Variants in NRXN3 observed in about 807,000 individuals in gnomAD.
NRXN3 encodes the protein neurexin III.
A neutral mutation model predicts 137.6 loss-of-function variants in NRXN3; 32 were observed. The observed-to-expected ratio is 0.23, with a 90% CI of 0.18 to 0.31. The LOEUF (loss-of-function observed/expected upper bound fraction) is 0.31, where lower values mean the gene tolerates loss of function less well. Ranked by LOEUF, NRXN3 falls within the 10% of genes least tolerant of loss-of-function variation. The pLI, the probability that NRXN3 is intolerant of heterozygous loss-of-function variation, is 1.00. For missense variants in NRXN3, 1,574 were observed against 2,062.5 expected, an observed-to-expected ratio of 0.76 and a Z score of 4.59; for synonymous variants, 798 against 784.5, an observed-to-expected ratio of 1.02 and a Z score of -0.29.
chr14:78,938,267 C>T (rs887005843), intron 10 of NRXN3, among the ~76,000 whole-genome samples: 1 of 152,342 alleles, frequency 6.6e-6, no homozygotes, highest in African/African-American at 2.4e-5. Flanking sequence ...CTAGTACCTG[C>T]TGGAGCAGAA....
chr14:79,096,476 C>A (rs2050358646), intron 15 of NRXN3, among the ~76,000 whole-genome samples: 4 of 152,040 alleles, frequency 2.6e-5, no homozygotes, highest in Admixed American at 1.3e-4. Flanking sequence ...TAATAATTTT[C>A]TTATCTTGTT....
At position 79,811,574 on chromosome 14, in the gene NRXN3, CTTTTTTCTT is replaced by C. The variant is rs1187820673; in HGVS notation, c.4093+6391_4093+6399del. Reference sequence around the variant, plus strand: ...GTTATTTCACTTTCTTTTCTTTTTTCTTTTTTCTTTTTTTTTTTTTTTTTTGAGATGGAG... The same window carrying C: ...GTTATTTCACTTTCTTTTCTTTTTTCTTTTTTTTTTTTTTTTGAGATGGAG... On this transcript the variant is annotated intron_variant, in intron 20 of 20. Coordinates refer to ENST00000335750, the MANE Select transcript of NRXN3 (RefSeq NM_001330195.2). Among the ~76,000 whole-genome samples, 132 of 129,446 alleles carry C rather than the reference CTTTTTTCTT, an allele frequency of 1.0e-3. 2 individuals are homozygous for C. The highest frequency in any genetic ancestry group is 1.6e-3 in the African/African-American group (54 of 34,114). The allele number at this position is 129,446 out of a possible 152,430, so 84.9% of individuals were successfully genotyped here.
chr14:78,601,580 G>A (rs1319718111), intron 4 of NRXN3, among the ~76,000 whole-genome samples: 1 of 151,806 alleles, frequency 6.6e-6, no homozygotes, highest in African/African-American at 2.4e-5. Flanking sequence ...AGCCTCCCAA[G>A]TAGCTGGGAC....
At chr14:79,695,224 T>G (rs1288205948) in intron 18 of NRXN3, among the ~76,000 whole-genome samples, 1 of 151,952 alleles carries the variant, frequency 6.6e-6, no homozygotes, top group Non-Finnish European at 1.5e-5. Context: ...CAGTTTTCTC[T>G]GATCCTCTTT....
intron 16 of NRXN3, among the ~76,000 whole-genome samples, chr14:79,621,208 G>C (rs221499): frequency 3.3e-5 from 5 of 151,948 alleles, no homozygotes; most frequent in Non-Finnish European, 5.9e-5. Context: ...AAAAGAAAAG[G>C]CTAGCCAAAA....
chr14:79,434,302 G>A (rs953265281), intron 15 of NRXN3, among the ~76,000 whole-genome samples: 10 of 151,938 alleles, frequency 6.6e-5, no homozygotes, highest in African/African-American at 1.5e-4. Flanking sequence ...GCAGCCATGC[G>A]CACAGGTGCA....
At chr14:79,538,448 C>G (rs1327389928) in intron 16 of NRXN3, among the ~76,000 whole-genome samples, 7 of 152,260 alleles carry the variant, frequency 4.6e-5, no homozygotes, top group African/African-American at 1.4e-4. Context: ...AGTCTTTAAT[C>G]CATCTTGAAT....
intron 9 of NRXN3, among the ~76,000 whole-genome samples, chr14:78,807,554 G>C (rs922489939): frequency 1.3e-5 from 2 of 151,864 alleles, no homozygotes; most frequent in Non-Finnish European, 2.9e-5. Flanking sequence ...TGGCCAACAT[G>C]GTGAAACCTC....
chr14:79,691,864 A>G (rs1004715535), intron 17 of NRXN3, among the ~76,000 whole-genome samples: 2 of 152,050 alleles, frequency 1.3e-5, no homozygotes, highest in African/African-American at 4.8e-5. Flanking sequence ...AACTGGCCCA[A>G]TTAAGGTGTG....
chr14:79,750,878 G>A (rs2154089539), intron 19 of NRXN3, among the ~76,000 whole-genome samples: 1 of 152,228 alleles, frequency 6.6e-6, no homozygotes, highest in East Asian at 1.9e-4. Flanking sequence ...ACCTTAGATA[G>A]GACAGCTAAT....
intron 15 of NRXN3, among the ~76,000 whole-genome samples, chr14:78,995,620 G>A (rs2099528426): frequency 6.6e-6 from 1 of 152,114 alleles, no homozygotes; most frequent in African/African-American, 2.4e-5. Flanking sequence ...GGCACATGAT[G>A]GCCCTGCCGG....
intron 19 of NRXN3, among the ~76,000 whole-genome samples, chr14:79,788,753 T>A (rs1330229340): frequency 6.6e-6 from 1 of 152,188 alleles, no homozygotes; most frequent in African/African-American, 2.4e-5. Context: ...CAATATATAT[T>A]AAGTACTTTC....
chr14:78,446,350 G>A (rs1309764868), intron 4 of NRXN3, among the ~76,000 whole-genome samples: 4 of 151,870 alleles, frequency 2.6e-5, no homozygotes, highest in African/African-American at 9.7e-5. Flanking sequence ...CAAGATGGGG[G>A]CGTGCTTATG....
At position 78,830,100 on chromosome 14, in the gene NRXN3, G is replaced by A. The variant is rs540208633; in HGVS notation, c.2275+19756G>A. Among the ~76,000 whole-genome samples the A allele has an allele frequency of 6.6e-5, 10 of 152,130 alleles. 1 individual carries two copies. The highest frequency in any genetic ancestry group is 1.3e-4 in the Non-Finnish European group (9 of 67,978). On this transcript the variant is annotated intron_variant, in intron 10 of 20. Coordinates refer to ENST00000335750, the MANE Select transcript of NRXN3 (RefSeq NM_001330195.2). ...CATGGATTTTTTAAAAAATAAAATT[G>A]CTTCGAAATACATACAATAACTCGC...
At chr14:78,437,608 C>T (rs1048405254) in intron 4 of NRXN3, among the ~76,000 whole-genome samples, 1 of 152,190 alleles carries the variant, frequency 6.6e-6, no homozygotes, top group Non-Finnish European at 1.5e-5. Context: ...CTTGGCCTCT[C>T]AAAGTGCTGA....
At chr14:78,728,739 A>T (rs1431922413) in intron 8 of NRXN3, among the ~76,000 whole-genome samples, 1 of 152,134 alleles carries the variant, frequency 6.6e-6, no homozygotes, top group African/African-American at 2.4e-5. Context: ...TCTACTAAAA[A>T]TACCAAAAAA....
At chr14:78,655,360 T>C (rs1160430675) in intron 6 of NRXN3, among the ~76,000 whole-genome samples, 1 of 152,130 alleles carries the variant, frequency 6.6e-6, no homozygotes, top group East Asian at 1.9e-4. Flanking sequence ...CAAATAGAAA[T>C]GTAAGTGTAA....
chr14:79,344,436 T>C (rs1435643763), intron 15 of NRXN3, among the ~76,000 whole-genome samples: 1 of 152,186 alleles, frequency 6.6e-6, no homozygotes, highest in Non-Finnish European at 1.5e-5. Context: ...TGTTGTCACA[T>C]AGGAAATGTA....
intron 4 of NRXN3, among the ~76,000 whole-genome samples, chr14:78,303,294 A>G (rs1008386105): frequency 1.3e-5 from 2 of 151,988 alleles, no homozygotes; most frequent in Non-Finnish European, 2.9e-5. Context: ...CTCTTCCTCC[A>G]TGTACCTCTC....
Sources: allele counts gnomAD v4.1 joint callset (sites outside exome capture counted in the v4.1 genomes callset), GRCh38; gene constraint gnomAD v4.1.1; transcripts MANE v1.5; gene names NCBI Gene and HGNC (gene_info 2026-07-23, HGNC 2026-07-21).